The following KCNIP4 variants were observed in gnomAD, a reference collection of about 807,000 sequenced individuals.
KCNIP4 encodes potassium voltage-gated channel interacting protein 4.
A neutral mutation model predicts 34.0 loss-of-function variants in KCNIP4; 12 were observed. The ratio of observed to expected loss-of-function variants is 0.35; its 90% CI spans 0.23 to 0.57. The LOEUF is 0.57. Ranked by LOEUF, KCNIP4 falls within the 20% of genes least tolerant of loss-of-function variation. The pLI, the probability that KCNIP4 is intolerant of heterozygous loss-of-function variation, is 0.83. For synonymous variants in KCNIP4, 124 were observed against 102.2 expected (o/e 1.21, Z -1.29); for missense variants, 238 against 311.7 (o/e 0.76, Z 1.78).
At chr4:21,275,765 A>G (rs1298249626) in intron 1 of KCNIP4, among the ~76,000 whole-genome samples, 1 of 152,056 alleles carries the variant, frequency 6.6e-6, no homozygotes, top group Non-Finnish European at 1.5e-5. Context: ...AAGGTTTAGC[A>G]TTTTTGTATG....
chr4:21,064,838 GA>G (rs921585048), intron 1 of KCNIP4, among the ~76,000 whole-genome samples: 4 of 152,022 alleles, frequency 2.6e-5, no homozygotes, highest in Admixed American at 2.0e-4. Flanking sequence ...CTTTGAAAAA[GA>G]AAAAAACTCT....
intron 1 of KCNIP4, among the ~76,000 whole-genome samples, chr4:21,236,116 A>T (rs1310462120): frequency 6.6e-6 from 1 of 152,100 alleles, no homozygotes; most frequent in African/African-American, 2.4e-5. Context: ...GCAACATGGT[A>T]AAATCCTGCC....
chr4:20,864,850 C>G (rs1222112292), intron 2 of KCNIP4, among the ~76,000 whole-genome samples: 1 of 152,014 alleles, frequency 6.6e-6, no homozygotes, highest in African/African-American at 2.4e-5. Flanking sequence ...CTTTTTCATT[C>G]CTACTGCAGC....
chr4:21,683,998 A>G (rs1330152375), intron 1 of KCNIP4, among the ~76,000 whole-genome samples: 2 of 152,042 alleles, frequency 1.3e-5, no homozygotes, highest in African/African-American at 4.8e-5. Context: ...GGGAGGAGGG[A>G]GAGGAGCAGA....
intron 1 of KCNIP4, among the ~76,000 whole-genome samples, chr4:21,434,775 A>AGG (rs1726804943): frequency 1.4e-5 from 2 of 146,422 alleles, no homozygotes; most frequent in African/African-American, 5.0e-5. Context: ...TGGGGGGAAA[A>AGG]AAAAAAAAAA....
chr4:21,665,542 TC>T (rs1748801543), intron 1 of KCNIP4, among the ~76,000 whole-genome samples: 1 of 147,340 alleles, frequency 6.8e-6, no homozygotes, highest in African/African-American at 2.5e-5. Context: ...ACATGTATTT[TC>T]TTGTAAAAGT....
chr4:20,963,119 G>A (rs1734004969), intron 1 of KCNIP4, among the ~76,000 whole-genome samples: 1 of 151,802 alleles, frequency 6.6e-6, no homozygotes. Context: ...TGAGGGGTTC[G>A]AGACCAGCCT....
chr4:21,820,492 C>A (rs1219721886), intron 1 of KCNIP4, among the ~76,000 whole-genome samples: 1 of 151,660 alleles, frequency 6.6e-6, no homozygotes, highest in African/African-American at 2.4e-5. Flanking sequence ...TTAAGCTATG[C>A]AAAACCACAC....
At chr4:21,230,519 G>C (rs1758716788) in intron 1 of KCNIP4, among the ~76,000 whole-genome samples, 1 of 152,066 alleles carries the variant, frequency 6.6e-6, no homozygotes, top group Non-Finnish European at 1.5e-5. Context: ...CCTGACAGGA[G>C]AGTCAGGGGA....
At chr4:21,733,696 A>G (rs7697475) in intron 1 of KCNIP4, among the ~76,000 whole-genome samples, 64,592 of 152,036 alleles carry the variant, frequency 0.42, 16,326 homozygotes, top group East Asian at 0.68. Flanking sequence ...GAATATCCGT[A>G]TGTTGCTACT....
intron 3 of KCNIP4, among the ~76,000 whole-genome samples, chr4:20,781,677 C>T (rs1192173722): frequency 6.6e-6 from 1 of 152,124 alleles, no homozygotes; most frequent in Non-Finnish European, 1.5e-5. Flanking sequence ...AAATTATCTC[C>T]CATTGGGTCC....
At chr4:21,088,144 A>T (rs557541713) in intron 1 of KCNIP4, among the ~76,000 whole-genome samples, 2 of 152,240 alleles carry the variant, frequency 1.3e-5, no homozygotes, top group South Asian at 4.1e-4. Context: ...CTCTCAACCA[A>T]GAAATTGCAC....
intron 1 of KCNIP4, among the ~76,000 whole-genome samples, chr4:21,245,466 A>G (rs1023245780): frequency 1.3e-5 from 2 of 152,096 alleles, no homozygotes; most frequent in Non-Finnish European, 2.9e-5. Flanking sequence ...TTGCTTTTTC[A>G]TTTTTACTCA....
chr4:21,040,251 G>T (rs4579110), intron 1 of KCNIP4, among the ~76,000 whole-genome samples: 3,671 of 152,114 alleles, frequency 0.024, 162 homozygotes, highest in African/African-American at 0.084. Flanking sequence ...GTAGCTCAAA[G>T]GAAAGCCTAT....
At chr4:21,058,550 C>T (rs1291383098) in intron 1 of KCNIP4, among the ~76,000 whole-genome samples, 11 of 152,004 alleles carry the variant, frequency 7.2e-5, no homozygotes. Flanking sequence ...TAATTATGGT[C>T]CCTAAATCAT....
At chr4:20,761,008 C>G (rs1447577491) in intron 3 of KCNIP4, among the ~76,000 whole-genome samples, 3 of 152,144 alleles carry the variant, frequency 2.0e-5, no homozygotes, top group Non-Finnish European at 4.4e-5. Context: ...CTATTACTTT[C>G]AATACATTTA....
At chr4:21,646,877 G>T (rs1747058607) in intron 1 of KCNIP4, among the ~76,000 whole-genome samples, 2 of 152,028 alleles carry the variant, frequency 1.3e-5, no homozygotes, top group African/African-American at 4.8e-5. Context: ...TATTTAGAAG[G>T]CACAATCTCA....
At chr4:20,941,855 T>G (rs1295505344) in intron 1 of KCNIP4, among the ~76,000 whole-genome samples, 1 of 152,188 alleles carries the variant, frequency 6.6e-6, no homozygotes, top group Non-Finnish European at 1.5e-5. Flanking sequence ...ATTTGAAATA[T>G]TCACATTTAA....
intron 1 of KCNIP4, among the ~76,000 whole-genome samples, chr4:21,525,005 A>G (rs1331859536): frequency 6.6e-6 from 1 of 152,134 alleles, no homozygotes; most frequent in African/African-American, 2.4e-5. Context: ...GTAGCAGCCC[A>G]GCTTGAAGCT....
Sources: gnomAD v4.1 joint callset for allele counts (sites outside exome capture counted in the v4.1 genomes callset) on GRCh38, gnomAD v4.1.1 for gene constraint, MANE v1.5 for transcripts, NCBI Gene and HGNC (gene_info 2026-07-23, HGNC 2026-07-21) for gene names.